NAT10: variants seen among roughly 807,000 people sequenced by gnomAD.
NAT10 encodes the protein N-acetyltransferase 10, also known as RNA cytidine acetyltransferase.
A neutral mutation model predicts 132.2 loss-of-function variants in NAT10; 109 were observed. The ratio of observed to expected loss-of-function variants is 0.82; its 90% confidence interval spans 0.71 to 0.97. The LOEUF (loss-of-function observed/expected upper bound fraction) is 0.97. Ranked by LOEUF, NAT10 falls within the 50% of genes least tolerant of loss-of-function variation. NAT10 has a pLI of 0.00. For missense variants in NAT10, 1,184 were observed against 1,263.4 expected, an observed-to-expected ratio of 0.94 and a Z score of 0.95; for synonymous variants, 479 against 478.0, an observed-to-expected ratio of 1.00 and a Z score of -0.03.
chr11:34,139,451 T>A lies in NAT10; in HGVS notation c.2375T>A (p.Leu792Gln), dbSNP rs2132979164. The A allele has an allele frequency of 6.2e-7, 1 of 1,614,180 alleles. No individual in the cohort carries two copies. Among genetic ancestry groups the A allele is most frequent in the East Asian group, 2.2e-5 (1 of 44,880 alleles). The change falls in exon 23 of 29, where the codon CTG becomes CAG. Residue 792 changes from leucine (L) to glutamine (Q), a missense_variant. Leu to Gln is a moderately radical substitution (Grantham distance 113). Transcript: ENST00000257829. ...AGTACCTTCTCTCCTTCCCTGGCTC[T>A]GAACATCATTCAGAACAGGAACATG... ...QFSTFSPSLALNIIQNRNMGK... is the reference protein window; with the variant it reads ...QFSTFSPSLAQNIIQNRNMGK...
At chr11:34,120,898 G>C (rs1851881000) in intron 8 of NAT10, among the ~76,000 whole-genome samples, 2 of 152,220 alleles carry the variant, frequency 1.3e-5, no homozygotes, top group African/African-American at 4.8e-5. Flanking sequence ...GCCAAGCCAT[G>C]AAGGAGGCGA....
intron 9 of NAT10, among the ~76,000 whole-genome samples, chr11:34,122,924 C>T (rs1029062799): frequency 6.6e-6 from 1 of 152,176 alleles, no homozygotes; most frequent in African/African-American, 2.4e-5. Flanking sequence ...GTATGACCAG[C>T]CTTGCTGACT....
At chr11:34,112,311 G>A (rs1851710275) in intron 4 of NAT10, 88 bp downstream of exon 4, 19 of 1,484,802 alleles carry the variant, frequency 1.3e-5, no homozygotes, top group Admixed American at 1.8e-5. Context: ...CAGATGTACA[G>A]TAAGGAGAGG....
intron 12 of NAT10, among the ~76,000 whole-genome samples, chr11:34,129,389 G>A (rs529233500): frequency 1.3e-5 from 2 of 152,084 alleles, no homozygotes; most frequent in African/African-American, 4.8e-5. Context: ...AATGATATTA[G>A]CATCTTTACA....
chr11:34,127,264 C>T (rs983364434), intron 11 of NAT10, among the ~76,000 whole-genome samples, 199 bp from the exon 12 acceptor site: 10 of 152,058 alleles, frequency 6.6e-5, no homozygotes, highest in Non-Finnish European at 1.2e-4. Context: ...GATCAGTGGC[C>T]GAACTCTCTG....
intron 2 of NAT10, 44 bp downstream of exon 2, chr11:34,108,377 C>A: frequency 6.7e-7 from 1 of 1,490,922 alleles, no homozygotes; most frequent in East Asian, 2.3e-5. Context: ...TTATCTTGTC[C>A]AAAGAATCAG....
chr11:34,139,277 C>T lies in NAT10; in HGVS notation c.2298C>T (p.Ala766=), dbSNP rs113424951. 1.1e-5 allele frequency: 18 copies of T among 1,613,886 alleles called. No individual in the cohort carries two copies. The highest frequency in any genetic ancestry group is 1.5e-5 in the Non-Finnish European group (18 of 1,179,938). The change falls in exon 22 of 29, where the codon GCC becomes GCT. Residue 766 remains alanine, a synonymous_variant. Coordinates refer to ENST00000257829, the MANE Select transcript of NAT10 (RefSeq NM_024662.3). The part of the protein sequence containing the change: ...DEADQGGWLA[A]FWKDFRRRFL... The stretch of plus-strand genomic sequence containing the variant: ...CTGACCAGGGAGGCTGGCTTGCAGC[C>T]TTCTGGAAAGGTGACTGAGGAGTAG...
chr11:34,137,523 T>C (rs1206902263), intron 21 of NAT10, among the ~76,000 whole-genome samples: 2 of 152,106 alleles, frequency 1.3e-5, no homozygotes, highest in Non-Finnish European at 2.9e-5. Context: ...TAGGGAAGTT[T>C]GGGGCTAGAG....
In NAT10 at chr11:34,122,704, G is replaced by C. The variant is rs1851916698; in HGVS notation, c.914+112G>C. On this transcript the variant is annotated intron_variant, in intron 9 of 28. Coordinates refer to ENST00000257829, the MANE Select transcript of NAT10 (RefSeq NM_024662.3). ...CGTTCCTAGTTCTGAGTTCTGAGTG[G>C]GTTCAGTGTGTGATTTCTCTAGGTC... 4.3e-6 allele frequency: 6 copies of C among 1,387,084 alleles called. No homozygotes were observed. In the South Asian group the frequency reaches 8.0e-5, roughly 18 times the overall value. The allele number at this position is 1,387,084 out of a possible 1,614,324, so 85.9% of individuals were successfully genotyped here.
intron 14 of NAT10, 149 bp from the exon 15 acceptor site, chr11:34,131,976 G>A (rs191491922): frequency 1.8e-5 from 12 of 678,734 alleles, no homozygotes; most frequent in East Asian, 5.2e-5. Context: ...GAGCCAACGC[G>A]CCTGGCCCTC....
Position 34,113,143 on chromosome 11 carries a change from T to A in NAT10, c.373-573T>A, listed in dbSNP as rs1378741006. On this transcript the variant is annotated intron_variant, in intron 4 of 28. Coordinates refer to ENST00000257829, the MANE Select transcript of NAT10 (RefSeq NM_024662.3). ...CTACTTGCTGCCATGATCAATTGCC[T>A]GAATAATGACTCCTGTGAGCAGTAG... 2.0e-5 allele frequency among the ~76,000 whole-genome samples: 3 copies of A among 152,210 alleles called. No individual in the cohort carries two copies. The East Asian group carries it at 5.8e-4, about 29-fold the overall frequency.
chr11:34,135,594 G>C lies in NAT10; in HGVS notation c.2028+303G>C, dbSNP rs79569817. 6.1e-3 allele frequency among the ~76,000 whole-genome samples: 933 copies of C among 152,334 alleles called. 12 individuals are homozygous for C. The highest frequency in any genetic ancestry group is 0.021 in the African/African-American group (880 of 41,564). On this transcript the variant is annotated intron_variant, in intron 19 of 28. Coordinates refer to ENST00000257829, the MANE Select transcript of NAT10 (RefSeq NM_024662.3). ...GTGATTCTGATGCTCATTCAAGTTT[G>C]AGAATCACTGCTCTATAATCTCTTT...
Position 34,118,222 on chromosome 11 carries a change from T to C in NAT10, c.600T>C (p.Ile200=), listed in dbSNP as rs1851818841. Residue 200 remains isoleucine, a synonymous_variant, in exon 7 of 29, where the codon ATT becomes ATC. Coordinates refer to ENST00000257829, the MANE Select transcript of NAT10 (RefSeq NM_024662.3). Reference sequence around the variant, plus strand: ...CCTCTTGTAAGAAGTGTCTCGTCATTGATGACCAGCTCAACATCCTGCCCA... The same window carrying C: ...CCTCTTGTAAGAAGTGTCTCGTCATCGATGACCAGCTCAACATCCTGCCCA... ...SLASCKKCLV[I]DDQLNILPIS... is the part of the protein sequence containing the mutation. 6.2e-7 allele frequency: 1 copy of C among 1,614,208 alleles called. No individual in the cohort carries two copies. The highest frequency in any genetic ancestry group is 8.5e-7 in the Non-Finnish European group (1 of 1,180,026).
rs1186389602 is a variant in NAT10 at position 34,137,142 on chromosome 11, G to A, written c.2211+116G>A. On this transcript the variant is annotated intron_variant, in intron 21 of 28. Transcript: ENST00000257829. ...GCTGCATCGCTCTGAGCAGGTGGCT[G>A]TGCCTCTGAAGAGGTTTATTCTGAT... is the stretch of plus-strand genomic sequence containing the variant. The A allele has an allele frequency of 3.5e-6, 4 of 1,151,256 alleles. No individual in the cohort carries two copies. In the African/African-American group the frequency reaches 4.6e-5, roughly 13 times the overall value. 71.3% of individuals were successfully genotyped at this position (1,151,256 alleles called of 1,614,324 possible). A position where few individuals can be genotyped will look rare whatever the true frequency, so the allele number is the denominator to read the frequency against.
intron 16 of NAT10, among the ~76,000 whole-genome samples, chr11:34,133,879 G>A (rs1270834422): frequency 1.3e-5 from 2 of 152,134 alleles, no homozygotes; most frequent in East Asian, 1.9e-4. Flanking sequence ...CAGGCCAGGC[G>A]CCATGGCTCA....
At chr11:34,141,451 C>T (rs1193712062) in intron 25 of NAT10, among the ~76,000 whole-genome samples, 3 of 148,884 alleles carry the variant, frequency 2.0e-5, no homozygotes, top group Admixed American at 6.7e-5. Context: ...CACACACACA[C>T]GTGCGCGCGC....
chr11:34,132,300 T>C, intron 15 of NAT10, 79 bp downstream of exon 15: 1 of 1,164,690 alleles, frequency 8.6e-7, no homozygotes, highest in Non-Finnish European at 1.3e-6. Context: ...GATTTGCATA[T>C]TTTATTACCC....
chr11:34,115,998 A>G (rs2134158393), intron 6 of NAT10, 114 bp downstream of exon 6: 2 of 913,600 alleles, frequency 2.2e-6, no homozygotes, highest in Non-Finnish European at 3.4e-6. Context: ...CAATATTCCA[A>G]AAATGATGAG....
At position 34,140,461 on chromosome 11, in the gene NAT10, G is replaced by A; in HGVS notation, c.2481G>A (p.Met827Ile). 6.2e-7 allele frequency: 1 copy of A among 1,614,220 alleles called. No homozygotes were observed. Among genetic ancestry groups the A allele is most frequent in the Non-Finnish European group, 8.5e-7 (1 of 1,180,020 alleles). ...CCTATGACCTGAAGCGGCTGGAGAT[G>A]TATTCACGGAATATGGTGGACTATC... ...FLPYDLKRLE[M>I]YSRNMVDYHL... Residue 827 changes from methionine (M) to isoleucine (I), a missense_variant, in exon 24 of 29, where the codon ATG becomes ATA. Met to Ile is a conservative substitution (Grantham distance 10). Transcript: ENST00000257829.
Sources: gnomAD v4.1 joint callset for allele counts (sites outside exome capture counted in the v4.1 genomes callset) on GRCh38, gnomAD v4.1.1 for gene constraint, MANE v1.5 for transcripts, NCBI Gene and HGNC (gene_info 2026-07-23, HGNC 2026-07-21) for gene names.